Variants in SNTG1 observed in about 807,000 individuals in gnomAD.
SNTG1 encodes the protein syntrophin gamma 1.
Under a neutral mutation model 74.7 loss-of-function variants are expected in SNTG1, and 39 were observed. The ratio of observed to expected loss-of-function variants is 0.52; its 90% confidence interval spans 0.40 to 0.68. The LOEUF is 0.68. SNTG1 is among the 30% of genes least tolerant of loss of function. The pLI, the probability that SNTG1 is intolerant of heterozygous loss-of-function variation, is 0.00. For missense variants in SNTG1, 685 were observed against 609.5 expected, an observed-to-expected ratio of 1.12 and a Z score of -1.30; for synonymous variants, 254 against 217.1, an observed-to-expected ratio of 1.17 and a Z score of -1.49.
At chr8:50,163,916 T>C (rs2131608700) in intron 1 of SNTG1, 1 of 152,244 alleles carries the variant, frequency 6.6e-6, no homozygotes, top group South Asian at 2.1e-4. Context: ...GGATCCTACC[T>C]TTTCAAGATA....
At chr8:50,036,607 G>A (rs1818189089) in intron 1 of SNTG1, among the ~76,000 whole-genome samples, 1 of 152,150 alleles carries the variant, frequency 6.6e-6, no homozygotes, top group Non-Finnish European at 1.5e-5. Flanking sequence ...CATTGTTAAG[G>A]CATTCCCAGC....
chr8:50,125,138 C>G lies in SNTG1; in HGVS notation c.-102-47423C>G, dbSNP rs912627642. Among the ~76,000 whole-genome samples, 5 of 141,858 alleles carry G rather than the reference C, an allele frequency of 3.5e-5. 1 individual carries two copies. Among genetic ancestry groups the G allele is most frequent in the Non-Finnish European group, 6.3e-5 (4 of 63,670 alleles). 93.1% of individuals were successfully genotyped at this position (141,858 alleles called of 152,430 possible). On this transcript the variant is annotated intron_variant, in intron 1 of 18. Transcript: ENST00000642720. The stretch of plus-strand genomic sequence containing the variant: ...GTAAAAAGATTATGTGAATACAAAG[C>G]AATTACAGAGGTTGGTTTGGGTAGC...
intron 12 of SNTG1, among the ~76,000 whole-genome samples, chr8:50,562,493 T>C (rs1232137606): frequency 6.6e-6 from 1 of 152,178 alleles, no homozygotes; most frequent in Admixed American, 6.6e-5. Flanking sequence ...AAGGCTGCAC[T>C]TCTACTCTAG....
At chr8:50,035,189 C>A (rs1240563836) in intron 1 of SNTG1, among the ~76,000 whole-genome samples, 1 of 152,172 alleles carries the variant, frequency 6.6e-6, no homozygotes, top group Admixed American at 6.5e-5. Context: ...GGAGGCTGAG[C>A]TTTTTGCAGT....
chr8:50,478,828 A>C (rs2093716950), intron 8 of SNTG1, among the ~76,000 whole-genome samples: 1 of 152,168 alleles, frequency 6.6e-6, no homozygotes, highest in South Asian at 2.1e-4. Context: ...ATATTTATTG[A>C]ATAATTTTGT....
chr8:50,178,894 A>G (rs1213142353), intron 2 of SNTG1, among the ~76,000 whole-genome samples: 4 of 152,184 alleles, frequency 2.6e-5, no homozygotes, highest in Non-Finnish European at 5.9e-5. Flanking sequence ...TTTCAATGTC[A>G]TATTCAAAAT....
In SNTG1 at chr8:50,129,751, C is replaced by T. The variant is rs769725491; in HGVS notation, c.-102-42810C>T. On this transcript the variant is annotated intron_variant, in intron 1 of 18. Transcript: ENST00000642720. The stretch of plus-strand genomic sequence containing the variant: ...CAATTGCAAATACAGCAGGAAAAAG[C>T]CTTCTGTTTTCAAAGCTCATAATAA... Among the ~76,000 whole-genome samples, 5 of 152,038 alleles carry T rather than the reference C, an allele frequency of 3.3e-5. No individual in the cohort carries two copies. In the East Asian group the frequency reaches 5.8e-4, roughly 18 times the overall value.
At chr8:50,322,865 C>G (rs1038427108) in intron 2 of SNTG1, among the ~76,000 whole-genome samples, 4 of 151,546 alleles carry the variant, frequency 2.6e-5, no homozygotes, top group Non-Finnish European at 4.4e-5. Flanking sequence ...GCCTGTAATC[C>G]CAGCATTTTG....
At chr8:50,050,500 C>T (rs1819476771) in intron 1 of SNTG1, among the ~76,000 whole-genome samples, 1 of 151,980 alleles carries the variant, frequency 6.6e-6, no homozygotes, top group Non-Finnish European at 1.5e-5. Flanking sequence ...GATGTGTTTA[C>T]TTGTGTATTC....
intron 4 of SNTG1, among the ~76,000 whole-genome samples, chr8:50,424,182 A>T (rs2093132668): frequency 6.6e-6 from 1 of 152,166 alleles, no homozygotes. Context: ...TGAAGGGATT[A>T]AACATGGAGA....
intron 1 of SNTG1, among the ~76,000 whole-genome samples, chr8:50,142,607 A>G (rs1437120975): frequency 2.0e-5 from 3 of 152,098 alleles, no homozygotes; most frequent in Non-Finnish European, 4.4e-5. Flanking sequence ...AGGTTTATTC[A>G]GGAAGAGATA....
chr8:50,426,358 A>C (rs536121210), intron 4 of SNTG1, among the ~76,000 whole-genome samples: 1 of 152,290 alleles, frequency 6.6e-6, no homozygotes, highest in South Asian at 2.1e-4. Flanking sequence ...AATAGAGCTG[A>C]AAAATTTCTA....
chr8:50,328,348 A>G (rs2090833433), intron 2 of SNTG1, among the ~76,000 whole-genome samples: 2 of 151,560 alleles, frequency 1.3e-5, no homozygotes, highest in Admixed American at 6.6e-5. Flanking sequence ...ATTTCACTCC[A>G]CTCTTCTTGC....
At chr8:50,005,260 G>A (rs144489515) in intron 1 of SNTG1, among the ~76,000 whole-genome samples, 1,566 of 151,988 alleles carry the variant, frequency 0.01, 5 homozygotes, top group Non-Finnish European at 0.015. Context: ...CATCAAGAGT[G>A]TTATACAAAT....
intron 13 of SNTG1, among the ~76,000 whole-genome samples, chr8:50,651,153 AT>A (rs1393477619): frequency 6.6e-6 from 1 of 151,116 alleles, no homozygotes; most frequent in Non-Finnish European, 1.5e-5. Context: ...CTTAACAATT[AT>A]TTTTTGTTTT....
At chr8:50,668,632 C>T (rs1361849255) in intron 15 of SNTG1, among the ~76,000 whole-genome samples, 1 of 151,474 alleles carries the variant, frequency 6.6e-6, no homozygotes, top group East Asian at 1.9e-4. Flanking sequence ...TCGACCTGTC[C>T]TCTAAGGTAC....
At chr8:50,662,216 G>GA (rs2095227756) in intron 15 of SNTG1, among the ~76,000 whole-genome samples, 1 of 152,180 alleles carries the variant, frequency 6.6e-6, no homozygotes, top group African/African-American at 2.4e-5. Flanking sequence ...TCTGCCTCCA[G>GA]AAAATGGATC....
intron 13 of SNTG1, among the ~76,000 whole-genome samples, chr8:50,652,077 A>G (rs2095150603): frequency 6.6e-6 from 1 of 151,986 alleles, no homozygotes; most frequent in South Asian, 2.1e-4. Context: ...TTCTCCTTTG[A>G]TCTGTGAACT....
At chr8:50,410,373 C>T (rs1044755356) in intron 4 of SNTG1, among the ~76,000 whole-genome samples, 24 of 151,974 alleles carry the variant, frequency 1.6e-4, no homozygotes, top group African/African-American at 5.3e-4. Flanking sequence ...ACAAAATACA[C>T]GTTGTCTATA....
Sources: allele counts gnomAD v4.1 joint callset (sites outside exome capture counted in the v4.1 genomes callset), GRCh38; gene constraint gnomAD v4.1.1; transcripts MANE v1.5; gene names NCBI Gene and HGNC (gene_info 2026-07-23, HGNC 2026-07-21).